DCTN1: variants seen among roughly 807,000 people sequenced by gnomAD.
DCTN1 encodes the protein dynactin subunit 1.
A neutral mutation model predicts 161.2 loss-of-function variants in DCTN1; 61 were observed. The ratio of observed to expected loss-of-function variants is 0.38; its 90% CI spans 0.31 to 0.47. The LOEUF (loss-of-function observed/expected upper bound fraction) is 0.47, where lower values mean the gene tolerates loss of function less well. DCTN1 is among the 20% of genes least tolerant of loss of function. DCTN1 has a pLI of 0.99. For missense variants in DCTN1, 1,404 were observed against 1,623.7 expected (o/e 0.86, Z 2.33); for synonymous variants, 653 against 632.4 (o/e 1.03, Z -0.49).
In DCTN1 at chr2:74,377,981, A is replaced by T; in HGVS notation, c.279+19T>A. Reference sequence around the variant, plus strand: ...GACATGTGCACACATGCACAGACACAAAAGAAGGGCGTGAATACCTGGGAC... The same window carrying T: ...GACATGTGCACACATGCACAGACACTAAAGAAGGGCGTGAATACCTGGGAC... On this transcript the variant is annotated intron_variant, in intron 2 of 31. Coordinates refer to ENST00000628224, the MANE Select transcript of DCTN1 (RefSeq NM_004082.5). The T allele has an allele frequency of 6.2e-7, 1 of 1,613,898 alleles. No homozygotes were observed.
At chr2:74,380,399 G>A (rs1231445067), upstream of DCTN1, 4 of 506,970 alleles carry the variant, frequency 7.9e-6, no homozygotes, top group Non-Finnish European at 7.9e-6. Flanking sequence ...GAAACTAAGG[G>A]CTGGGCATAC....
At chr2:74,367,619 T>C in intron 18 of DCTN1, 77 bp downstream of exon 18, 1 of 1,602,940 alleles carries the variant, frequency 6.2e-7, no homozygotes, top group Non-Finnish European at 8.5e-7. Context: ...CATACAACCT[T>C]GAATATATTA....
chr2:74,365,440 G>A, intron 25 of DCTN1, 75 bp downstream of exon 25: 6 of 1,607,698 alleles, frequency 3.7e-6, no homozygotes, highest in Middle Eastern at 3.3e-4. Flanking sequence ...CCTGAGTAGG[G>A]GTATGGGTTA....
chr2:74,366,474 G>C lies in DCTN1; in HGVS notation c.2613C>G (p.Phe871Leu). 1 of 1,614,184 alleles carries C rather than the reference G, an allele frequency of 6.2e-7. No individual in the cohort carries two copies. Among genetic ancestry groups the C allele is most frequent in the Non-Finnish European group, 8.5e-7 (1 of 1,180,026 alleles). Residue 871 changes from phenylalanine (F) to leucine (L), a missense_variant, in exon 22 of 32, where the codon TTC becomes TTG. Physicochemically the swap from Phe to Leu is conservative, Grantham distance 22. This residue lies in a region of DCTN1 where 475 missense variants were observed against 489.8 expected (regional missense o/e 0.97). Transcript: ENST00000628224. ...CCAGGCCCACCTGCTCGCTTGCTTTGAAAGCCAGTTCCTCCAGAGCAGCCA... is the reference window on the plus strand; with the variant it reads ...CCAGGCCCACCTGCTCGCTTGCTTTCAAAGCCAGTTCCTCCAGAGCAGCCA... ...LLVAALEELA[F>L]KASEQIYGTP...
In DCTN1 at chr2:74,378,111, T is replaced by C. The variant is rs1217865626; in HGVS notation, c.168A>G (p.Lys56=). 1 of 1,614,146 alleles carries C rather than the reference T, an allele frequency of 6.2e-7. No homozygotes were observed. Among genetic ancestry groups the C allele is most frequent in the East Asian group, 2.2e-5 (1 of 44,904 alleles). ...YVGATLFATG[K]WVGVILDEAK... ...CTTCATCCAGAATCACGCCTACCCATTTGCCAGTGGCAAACAGTGTGGCTC... is the reference window on the plus strand; with the variant it reads ...CTTCATCCAGAATCACGCCTACCCACTTGCCAGTGGCAAACAGTGTGGCTC... Residue 56 remains lysine, a synonymous_variant, in exon 2 of 32, where the codon AAA becomes AAG. Transcript: ENST00000628224.
intron 20 of DCTN1, 52 bp from the exon 21 acceptor site, chr2:74,366,984 G>C (rs762102234): frequency 1.8e-5 from 29 of 1,614,162 alleles, no homozygotes; most frequent in Non-Finnish European, 2.3e-5. Flanking sequence ...TTAAGGCTCG[G>C]AGTAAGGAAG....
chr2:74,373,059 G>C, intron 6 of DCTN1, 111 bp from the exon 7 acceptor site: 1 of 1,021,978 alleles, frequency 9.8e-7, no homozygotes, highest in South Asian at 1.3e-5. Flanking sequence ...AACAGGAATG[G>C]GGCTACAGTT....
chr2:74,370,691 C>T lies in DCTN1; in HGVS notation c.978G>A (p.Glu326=). The T allele has an allele frequency of 7.4e-6, 12 of 1,614,230 alleles. No individual in the cohort carries two copies. Among genetic ancestry groups the T allele is most frequent in the Non-Finnish European group, 1.0e-5 (12 of 1,180,052 alleles). The change falls in exon 10 of 32, where the codon GAG becomes GAA. Residue 326 remains glutamate, a synonymous_variant. Coordinates refer to ENST00000628224, the MANE Select transcript of DCTN1 (RefSeq NM_004082.5). The surrounding 1 kb of genome is among the most constrained non-coding windows in gnomAD (Gnocchi z 4.4). ...GCTCGTCCACCCGCTCCTTCAGTGCCTCCACCTCCTGCTGCAGGGACTCAG... is the reference window on the plus strand; with the variant it reads ...GCTCGTCCACCCGCTCCTTCAGTGCTTCCACCTCCTGCTGCAGGGACTCAG... ...ERAESLQQEV[E]ALKERVDELT... is the part of the protein sequence containing the mutation.
In DCTN1 at chr2:74,362,605, C is replaced by A. The variant is rs1446013422; in HGVS notation, c.3609+45G>T. ...GAACTCCACAAGTGCCTGGCTCCAC[C>A]AGTTTATGCTGTGAAGTGAGCTCTG... On this transcript the variant is annotated intron_variant, in intron 30 of 31. Transcript: ENST00000628224. 7 of 1,595,542 alleles carry A rather than the reference C, an allele frequency of 4.4e-6. No homozygotes were observed. In the Admixed American group the frequency reaches 1.2e-4, roughly 27 times the overall value.
At chr2:74,361,682 T>C (rs767496640) in intron 31 of DCTN1, 46 bp from the exon 32 acceptor site, 1 of 1,613,776 alleles carries the variant, frequency 6.2e-7, no homozygotes, top group South Asian at 1.1e-5. Context: ...GGGGCTCACT[T>C]GAGCTGTGGG....
chr2:74,368,004 C>A lies in DCTN1; in HGVS notation c.1982G>T (p.Ser661Ile), dbSNP rs1558938711. 6.2e-7 allele frequency: 1 copy of A among 1,614,212 alleles called. No homozygotes were observed. The highest frequency in any genetic ancestry group is 1.6e-4 in the Middle Eastern group (1 of 6,062). The change falls in exon 17 of 32, where the codon AGC (serine) becomes ATC (isoleucine). Residue 661 changes from serine to isoleucine, a missense_variant. By Grantham distance (142) the Ser-to-Ile change is moderately radical. Coordinates refer to ENST00000628224, the MANE Select transcript of DCTN1 (RefSeq NM_004082.5). Reference protein sequence around the residue: ...SFAAGLVYSLSLLQATLHRYE... With the variant: ...SFAAGLVYSLILLQATLHRYE... ...GCGGTGTAGCGTGGCCTGCAGCAGG[C>A]TCAGCGAGTACACCAGTCCAGCAGC... is the stretch of plus-strand genomic sequence containing the variant.
chr2:74,363,794 G>C, intron 26 of DCTN1, 166 bp from the exon 27 acceptor site: 1 of 896,044 alleles, frequency 1.1e-6, no homozygotes, highest in Admixed American at 2.0e-5. Context: ...CCTATCTTTG[G>C]GGACGAGCAG....
At chr2:74,375,493 T>C (rs1305295013) in intron 5 of DCTN1, among the ~76,000 whole-genome samples, 1 of 152,226 alleles carries the variant, frequency 6.6e-6, no homozygotes, top group Non-Finnish European at 1.5e-5. Context: ...ATGGGTGGCC[T>C]AGGCTGGGCT....
chr2:74,377,061 A>G (rs1479668727), intron 4 of DCTN1, among the ~76,000 whole-genome samples: 8 of 152,214 alleles, frequency 5.3e-5, no homozygotes, highest in Admixed American at 2.6e-4. Context: ...ACTTGTGAAT[A>G]GGAGATTGCT....
rs1331103919 is a variant in DCTN1 at position 74,369,470 on chromosome 2, C to T, written c.1414G>A (p.Asp472Asn). The T allele has an allele frequency of 3.1e-6, 5 of 1,613,762 alleles. No individual in the cohort carries two copies. Among genetic ancestry groups the T allele is most frequent in the South Asian group, 1.1e-5 (1 of 91,084 alleles). Residue 472 changes from aspartate (D) to asparagine (N), a missense_variant, in exon 14 of 32, where the codon GAT becomes AAT. Coordinates refer to ENST00000628224, the MANE Select transcript of DCTN1 (RefSeq NM_004082.5). This position sits in a 1 kb window ranked among gnomAD's most constrained non-coding sequence, Gnocchi z 4.9. ...GDLEAMNEMN[D>N]ELQENARETE... is the part of the protein sequence containing the mutation. ...TCACGTGCATTCTCCTGCAGCTCAT[C>T]GTTCATCTCATTCATCGCTTCCTAG...
chr2:74,378,976 T>C (rs1675382178), intron 1 of DCTN1: 1 of 153,266 alleles, frequency 6.5e-6, no homozygotes, highest in African/African-American at 2.4e-5. Flanking sequence ...TATGTTGCTA[T>C]AAAAAGGAAA....
At chr2:74,374,431 C>A (rs1352898758) in intron 5 of DCTN1, 91 bp from the exon 6 acceptor site, 1 of 1,595,140 alleles carries the variant, frequency 6.3e-7, no homozygotes, top group Non-Finnish European at 8.5e-7. Context: ...GAAGGACAGA[C>A]GAAGGGAGGG....
intron 23 of DCTN1, 41 bp downstream of exon 23, chr2:74,366,203 C>T (rs1268275958): frequency 1.2e-6 from 2 of 1,613,554 alleles, no homozygotes; most frequent in Non-Finnish European, 1.7e-6. Context: ...AGTCTTACTC[C>T]TACAGGCCTC....
At chr2:74,371,751 G>A (rs1486834858) in intron 7 of DCTN1, 23 bp from the exon 8 acceptor site, 3 of 1,597,172 alleles carry the variant, frequency 1.9e-6, no homozygotes, top group South Asian at 2.3e-5. Flanking sequence ...GGTAGAGGCA[G>A]ACCAGAAAGA....
Sources: gnomAD v4.1 joint callset for allele counts (sites outside exome capture counted in the v4.1 genomes callset) on GRCh38, gnomAD v4.1.1 for gene constraint, gnomAD v4.1.1 regional missense constraint, Gnocchi (gnomAD v3.1) non-coding constraint, MANE v1.5 for transcripts, NCBI Gene and HGNC (gene_info 2026-07-23, HGNC 2026-07-21) for gene names.